Variants in TRIO observed in about 807,000 individuals in gnomAD.
The protein encoded by TRIO is triple functional domain protein.
In TRIO, 58 loss-of-function variants were observed where a neutral mutation model predicts 351.9. That is an observed-to-expected ratio of 0.16 (90% CI 0.13 to 0.21). The LOEUF (loss-of-function observed/expected upper bound fraction) is 0.21, where lower values mean the gene tolerates loss of function less well. Ranked by LOEUF, TRIO falls within the 10% of genes least tolerant of loss-of-function variation. The pLI, the probability that TRIO is intolerant of heterozygous loss-of-function variation, is 1.00. For missense variants in TRIO, 3,201 were observed against 4,027.8 expected, an observed-to-expected ratio of 0.79 and a Z score of 5.56; for synonymous variants, 1,758 against 1,595.7, an observed-to-expected ratio of 1.10 and a Z score of -2.42.
At chr5:14,333,114 C>G (rs1345197838) in intron 10 of TRIO, among the ~76,000 whole-genome samples, 1 of 152,176 alleles carries the variant, frequency 6.6e-6, no homozygotes, top group Non-Finnish European at 1.5e-5. Flanking sequence ...CACTGGAAAG[C>G]AGCACCAGAG....
chr5:14,405,829 A>T lies in TRIO; in HGVS notation c.4717-19A>T. The T allele has an allele frequency of 6.2e-7, 1 of 1,612,426 alleles. No individual in the cohort carries two copies. The highest frequency in any genetic ancestry group is 1.1e-5 in the South Asian group (1 of 91,040). ...AAAGGGCCGTTCCGTATCCTAAGCA[A>T]CGCTAACACCTTGTTAAGGCTTCCA... On this transcript the variant is annotated intron_variant, in intron 31 of 56. Transcript: ENST00000344204.
At chr5:14,169,533 C>T (rs1358693455) in intron 1 of TRIO, among the ~76,000 whole-genome samples, 1 of 152,200 alleles carries the variant, frequency 6.6e-6, no homozygotes, top group Non-Finnish European at 1.5e-5. Flanking sequence ...GTTGGTTTCT[C>T]TTGTGATTGT....
intron 48 of TRIO, among the ~76,000 whole-genome samples, chr5:14,489,770 G>C (rs1756340705): frequency 6.6e-6 from 1 of 152,214 alleles, no homozygotes; most frequent in Non-Finnish European, 1.5e-5. Context: ...TGCTGTCTCT[G>C]AGGCCAAGGC....
rs142713400 is a variant in TRIO at position 14,368,773 on chromosome 5, C to T, written c.2940C>T (p.Tyr980=). The T allele has an allele frequency of 5.8e-5, 94 of 1,614,094 alleles. 2 individuals carry two copies. In the African/African-American group the frequency reaches 6.3e-4, roughly 11 times the overall value. The change falls in exon 17 of 57, where the codon TAC becomes TAT. Residue 980 remains tyrosine (Y), a synonymous_variant. Transcript: ENST00000344204. ...AAGCCATGCTACAGGCCAACCACTACGACATGGACATGATCCGGGACTGCG... is the reference window on the plus strand; with the variant it reads ...AAGCCATGCTACAGGCCAACCACTATGACATGGACATGATCCGGGACTGCG... ...KAEAMLQANH[Y]DMDMIRDCAE... is the part of the protein sequence containing the mutation.
chr5:14,504,488 A>G lies in TRIO; in HGVS notation c.8507A>G (p.Gln2836Arg), dbSNP rs1359255718. ...FVNKKLMKRD[Q>R]VTHELGILQS... ...AACAAGAAGTTGATGAAGCGCGACC[A>G]GGTCACCCATGAGCTTGGCATCCTG... The change falls in exon 55 of 57, where the codon CAG becomes CGG. Residue 2836 changes from glutamine to arginine, a missense_variant. Around this residue, in one of 19 missense-constraint regions of TRIO, gnomAD observed 1,089 missense variants for 954.9 expected, o/e 1.14. Coordinates refer to ENST00000344204, the MANE Select transcript of TRIO (RefSeq NM_007118.4). The G allele has an allele frequency of 1.1e-5, 17 of 1,614,136 alleles. No homozygotes were observed. Among genetic ancestry groups the G allele is most frequent in the South Asian group, 7.7e-5 (7 of 91,084 alleles).
chr5:14,334,900 T>C (rs1049937808), intron 10 of TRIO, among the ~76,000 whole-genome samples: 1 of 152,054 alleles, frequency 6.6e-6, no homozygotes, highest in African/African-American at 2.4e-5. Flanking sequence ...GTCACAGGAG[T>C]GCCCACTCTT....
At position 14,487,615 on chromosome 5, in the gene TRIO, C is replaced by T. The variant is rs958671706; in HGVS notation, c.6987C>T (p.Gly2329=). 17 of 1,185,406 alleles carry T rather than the reference C, an allele frequency of 1.4e-5. No individual in the cohort carries two copies. Among genetic ancestry groups the T allele is most frequent in the Admixed American group, 4.4e-5 (1 of 22,862 alleles). 73.4% of individuals were successfully genotyped at this position (1,185,406 alleles called of 1,614,324 possible). The change falls in exon 48 of 57, where the codon GGC becomes GGT. Residue 2329 remains glycine (G), a synonymous_variant. Coordinates refer to ENST00000344204, the MANE Select transcript of TRIO (RefSeq NM_007118.4). ...GHSGGPSSCG[G]APSTSRSRPS... is the part of the protein sequence containing the mutation. ...GTGGCGGCCCCAGCAGCTGCGGCGGCGCCCCCAGCACGAGCAGGAGCCGGC... is the reference window on the plus strand; with the variant it reads ...GTGGCGGCCCCAGCAGCTGCGGCGGTGCCCCCAGCACGAGCAGGAGCCGGC...
intron 37 of TRIO, 129 bp downstream of exon 37, chr5:14,465,769 A>G (rs1273131823): frequency 1.0e-6 from 1 of 986,828 alleles, no homozygotes. Context: ...ACATCTCAGG[A>G]GTCCCCATGA....
At chr5:14,406,186 A>G (rs1394496783) in intron 32 of TRIO, 196 bp downstream of exon 32, 2 of 823,158 alleles carry the variant, frequency 2.4e-6, no homozygotes, top group East Asian at 2.8e-5. Context: ...GGCTTAGAGT[A>G]AACGAAGGGC....
At chr5:14,397,343 C>G in intron 29 of TRIO, 189 bp downstream of exon 29, 1 of 537,074 alleles carries the variant, frequency 1.9e-6, no homozygotes, top group Non-Finnish European at 3.3e-6. Context: ...TCATTGAAAG[C>G]CTTTTCTGGT....
At chr5:14,159,690 A>G (rs1788327866) in intron 1 of TRIO, among the ~76,000 whole-genome samples, 1 of 151,972 alleles carries the variant, frequency 6.6e-6, no homozygotes, top group East Asian at 1.9e-4. Flanking sequence ...AGCCTCCCGA[A>G]TAGCTGGGAT....
intron 34 of TRIO, among the ~76,000 whole-genome samples, chr5:14,423,021 C>T (rs1199093847): frequency 7.9e-5 from 12 of 152,210 alleles, no homozygotes; most frequent in Admixed American, 4.6e-4. Context: ...GTCCCGGTGT[C>T]CTTTGGGCCG....
chr5:14,186,386 G>C (rs1408615669), intron 1 of TRIO, among the ~76,000 whole-genome samples: 1 of 152,166 alleles, frequency 6.6e-6, no homozygotes, highest in East Asian at 1.9e-4. Flanking sequence ...TTGTTCCAGA[G>C]CACGGTCTAA....
At position 14,487,935 on chromosome 5, in the gene TRIO, ACG is replaced by A; in HGVS notation, c.7315_7316del (p.Ala2439Ter). 5 of 1,542,500 alleles carry A rather than the reference ACG, an allele frequency of 3.2e-6. No individual in the cohort carries two copies. The highest frequency in any genetic ancestry group is 4.4e-6 in the Non-Finnish European group (5 of 1,144,250). ...TCGAGCCCAGACGCCCCCGCCAAGG[ACG>A]CGCGCGCTAGCCTGGGCACCCTGCC... On this transcript the variant is annotated frameshift_variant, in exon 48 of 57. Coordinates refer to ENST00000344204, the MANE Select transcript of TRIO (RefSeq NM_007118.4). LOFTEE classifies it high-confidence loss of function.
chr5:14,153,356 A>G (rs1353506789), intron 1 of TRIO, among the ~76,000 whole-genome samples: 3 of 152,246 alleles, frequency 2.0e-5, no homozygotes, highest in Non-Finnish European at 4.4e-5. Context: ...GGAAAGTAGA[A>G]TAAGCACATC....
Position 14,293,101 on chromosome 5 carries a change from G to C in TRIO, c.1143G>C (p.Gln381His), listed in dbSNP as rs369621289. The C allele has an allele frequency of 3.6e-5, 58 of 1,614,074 alleles. No individual in the cohort carries two copies. Among genetic ancestry groups the C allele is most frequent in the Non-Finnish European group, 4.4e-5 (52 of 1,180,036 alleles). The change falls in exon 6 of 57, where the codon CAG becomes CAC. Residue 381 changes from glutamine (Q) to histidine (H), a missense_variant. Around this residue, in one of 19 missense-constraint regions of TRIO, gnomAD observed 349 missense variants for 449.3 expected, o/e 0.78. Coordinates refer to ENST00000344204, the MANE Select transcript of TRIO (RefSeq NM_007118.4). ...GTSHPHAMEL[Q>H]TQHNHFAMNC... ...GCCACCCTCATGCCATGGAGCTTCA[G>C]ACGCAGCACAATCACTTTGCCATGA...
chr5:14,481,710 C>T (rs905905891), intron 45 of TRIO, 92 bp downstream of exon 45: 11 of 1,297,908 alleles, frequency 8.5e-6, no homozygotes, highest in South Asian at 4.0e-5. Context: ...GAAAGCTGAT[C>T]CTTTTCACTT....
At chr5:14,330,511 T>C (rs1200619685) in intron 9 of TRIO, among the ~76,000 whole-genome samples, 1 of 152,250 alleles carries the variant, frequency 6.6e-6, no homozygotes, top group African/African-American at 2.4e-5. Context: ...TAATCATTAT[T>C]GCATGCAATG....
intron 2 of TRIO, among the ~76,000 whole-genome samples, chr5:14,274,317 A>G (rs558343731): frequency 1.3e-5 from 2 of 152,304 alleles, no homozygotes; most frequent in South Asian, 4.1e-4. Context: ...GGGTGGTTTA[A>G]CATGTTTCAC....
Sources: gnomAD v4.1 joint callset for allele counts (sites outside exome capture counted in the v4.1 genomes callset) on GRCh38, gnomAD v4.1.1 for gene constraint, gnomAD v4.1.1 regional missense constraint, MANE v1.5 for transcripts, NCBI Gene and HGNC (gene_info 2026-07-23, HGNC 2026-07-21) for gene names.